Variants in NARS2 observed in about 807,000 individuals in gnomAD.
The protein encoded by NARS2 is asparaginyl-tRNA synthetase.
Under a neutral mutation model 62.9 loss-of-function variants are expected in NARS2, and 60 were observed. The ratio of observed to expected loss-of-function variants is 0.95; its 90% CI spans 0.77 to 1.18. The LOEUF (loss-of-function observed/expected upper bound fraction) is 1.18, where lower values mean the gene tolerates loss of function less well. Ranked by LOEUF, NARS2 falls within the 50% of genes most tolerant of loss-of-function variation. The pLI, the probability that NARS2 is intolerant of heterozygous loss-of-function variation, is 0.00. For synonymous variants in NARS2, 196 were observed against 200.0 expected (o/e 0.98, Z 0.17); for missense variants, 619 against 576.4 (o/e 1.07, Z -0.76).
intron 5 of NARS2, chr11:78,533,121 T>C (rs1461592881): frequency 6.6e-6 from 1 of 152,166 alleles, no homozygotes; most frequent in African/African-American, 2.4e-5. Flanking sequence ...TCCTGCTGTT[T>C]TGCCAACAGC....
intron 9 of NARS2, among the ~76,000 whole-genome samples, chr11:78,477,942 C>T (rs759607133): frequency 6.6e-6 from 1 of 152,258 alleles, no homozygotes; most frequent in African/African-American, 2.4e-5. Flanking sequence ...ACACACACCC[C>T]GCCCTCAAAC....
At chr11:78,477,426 C>G (rs949435689) in intron 9 of NARS2, among the ~76,000 whole-genome samples, 1 of 152,068 alleles carries the variant, frequency 6.6e-6, no homozygotes, top group Non-Finnish European at 1.5e-5. Flanking sequence ...TTCATTTTTG[C>G]AGCTGTAGGA....
chr11:78,528,940 C>A lies in NARS2; in HGVS notation c.595-4G>T. 6.3e-7 allele frequency: 1 copy of A among 1,595,796 alleles called. No individual in the cohort carries two copies. The highest frequency in any genetic ancestry group is 8.6e-7 in the Non-Finnish European group (1 of 1,165,278). ...GTACCTTAAGTTTGCCTGAAGGCTGCAAATCAAAAACATAAGCCACAAAAA... is the reference window on the plus strand; with the variant it reads ...GTACCTTAAGTTTGCCTGAAGGCTGAAAATCAAAAACATAAGCCACAAAAA... On this transcript the variant is annotated splice_polypyrimidine_tract_variant and splice_region_variant and intron_variant, in intron 5 of 13. Transcript: ENST00000281038.
At chr11:78,516,504 T>C (rs1404046592) in intron 6 of NARS2, among the ~76,000 whole-genome samples, 1 of 152,232 alleles carries the variant, frequency 6.6e-6, no homozygotes, top group African/African-American at 2.4e-5. Flanking sequence ...AGGACAGTAA[T>C]CACACTCCTA....
chr11:78,451,801 T>C (rs748441726), intron 11 of NARS2, among the ~76,000 whole-genome samples: 30 of 152,216 alleles, frequency 2.0e-4, no homozygotes, highest in Non-Finnish European at 8.8e-5. Context: ...AGCTCAGATA[T>C]TGATTGTCTA....
At chr11:78,546,678 G>A (rs2135478659) in intron 5 of NARS2, 1 of 152,232 alleles carries the variant, frequency 6.6e-6, no homozygotes, top group South Asian at 2.1e-4. Context: ...ATATCCCCTT[G>A]CTTCTCACTA....
intron 2 of NARS2, among the ~76,000 whole-genome samples, chr11:78,569,624 T>A (rs1002838781): frequency 2.4e-4 from 37 of 152,212 alleles, no homozygotes; most frequent in African/African-American, 8.7e-4. Flanking sequence ...ATGCTATTCT[T>A]ATATAATTTA....
chr11:78,465,868 C>T lies in NARS2; in HGVS notation c.1164+8G>A. On this transcript the variant is annotated splice_region_variant and intron_variant, in intron 11 of 13. Transcript: ENST00000281038. Reference sequence around the variant, plus strand: ...ACTAACCCCAATTTATTTAGTATCTCTTCTTACCGTGTGCTGAGGGCCATC... The same window carrying T: ...ACTAACCCCAATTTATTTAGTATCTTTTCTTACCGTGTGCTGAGGGCCATC... The T allele has an allele frequency of 1.2e-6, 2 of 1,614,098 alleles. No homozygotes were observed. Among genetic ancestry groups the T allele is most frequent in the Non-Finnish European group, 1.7e-6 (2 of 1,179,976 alleles).
intron 6 of NARS2, among the ~76,000 whole-genome samples, chr11:78,522,783 T>A (rs1861177608): frequency 6.6e-6 from 1 of 152,188 alleles, no homozygotes; most frequent in African/African-American, 2.4e-5. Context: ...AATGTAAGTA[T>A]AAGTTTCAGA....
intron 7 of NARS2, among the ~76,000 whole-genome samples, chr11:78,487,041 C>T (rs766440532): frequency 6.6e-6 from 1 of 151,594 alleles, no homozygotes; most frequent in Non-Finnish European, 1.5e-5. Context: ...GTTGAAATGC[C>T]CCCAATTCTG....
At chr11:78,470,550 T>C (rs1309376720) in intron 9 of NARS2, among the ~76,000 whole-genome samples, 2 of 152,234 alleles carry the variant, frequency 1.3e-5, no homozygotes, top group Admixed American at 6.5e-5. Context: ...GATCTGTGTG[T>C]ATATGAAGAC....
chr11:78,519,514 A>G (rs74735836), intron 6 of NARS2, among the ~76,000 whole-genome samples: 2,890 of 152,308 alleles, frequency 0.019, 85 homozygotes, highest in African/African-American at 0.066. Context: ...TTCTATAAAT[A>G]TATGTATACA....
chr11:78,527,441 T>A (rs1029163329), intron 6 of NARS2, among the ~76,000 whole-genome samples: 1 of 152,220 alleles, frequency 6.6e-6, no homozygotes, highest in African/African-American at 2.4e-5. Context: ...CATGTTATTA[T>A]GACACTTTTT....
Position 78,478,490 on chromosome 11 carries a change from A to G in NARS2, c.922-15T>C. On this transcript the variant is annotated splice_polypyrimidine_tract_variant and intron_variant, in intron 8 of 13. Coordinates refer to ENST00000281038, the MANE Select transcript of NARS2 (RefSeq NM_024678.6). ...TCTAATCTGTCCTTAATAAAAAGAC[A>G]AAAAAGAAAATTTTAAAAATATAAT... The G allele has an allele frequency of 1.7e-6, 2 of 1,208,082 alleles. No individual in the cohort carries two copies. The highest frequency in any genetic ancestry group is 1.5e-5 in the African/African-American group (1 of 64,624). The allele number at this position is 1,208,082 out of a possible 1,614,324, so 74.8% of individuals were successfully genotyped here.
At chr11:78,543,899 C>T (rs960452057) in intron 5 of NARS2, among the ~76,000 whole-genome samples, 6 of 151,488 alleles carry the variant, frequency 4.0e-5, no homozygotes, top group East Asian at 3.9e-4. Context: ...GGCGTGGTGG[C>T]GCGCACCTGT....
At chr11:78,450,885 T>C (rs1436860813) in intron 11 of NARS2, among the ~76,000 whole-genome samples, 1 of 144,414 alleles carries the variant, frequency 6.9e-6, no homozygotes, top group East Asian at 2.3e-4. Flanking sequence ...TTTCACCATG[T>C]TGGGCAGGCA....
At chr11:78,439,858 T>C (rs1479907608) in intron 13 of NARS2, among the ~76,000 whole-genome samples, 1 of 152,068 alleles carries the variant, frequency 6.6e-6, no homozygotes. Context: ...TGTATATATA[T>C]TGAAAAGTAC....
At chr11:78,504,337 G>A (rs180760660) in intron 6 of NARS2, among the ~76,000 whole-genome samples, 63 of 152,118 alleles carry the variant, frequency 4.1e-4, no homozygotes, top group Admixed American at 6.5e-4. Flanking sequence ...GTGAAATAAG[G>A]CTGGCTTGGG....
At chr11:78,477,862 G>C (rs540233364) in intron 9 of NARS2, among the ~76,000 whole-genome samples, 4 of 152,108 alleles carry the variant, frequency 2.6e-5, no homozygotes, top group East Asian at 1.9e-4. Context: ...GACTTTAAAT[G>C]CAACAAGCAT....
Sources: gnomAD v4.1 joint callset for allele counts (sites outside exome capture counted in the v4.1 genomes callset) on GRCh38, gnomAD v4.1.1 for gene constraint, MANE v1.5 for transcripts, NCBI Gene and HGNC (gene_info 2026-07-23, HGNC 2026-07-21) for gene names.